The following SLC30A7 variants were observed in gnomAD, a reference collection of about 807,000 sequenced individuals.
SLC30A7 encodes solute carrier family 30 member 7, also known as zinc transporter 7.
A neutral mutation model predicts 46.0 loss-of-function variants in SLC30A7; 35 were observed. The ratio of observed to expected loss-of-function variants is 0.76; its 90% CI spans 0.58 to 1.01. SLC30A7 has a LOEUF of 1.01. SLC30A7 is among the 50% of genes least tolerant of loss of function. The pLI is 0.00. For missense variants in SLC30A7, 464 were observed against 451.1 expected, an observed-to-expected ratio of 1.03 and a Z score of -0.26; for synonymous variants, 147 against 157.8, an observed-to-expected ratio of 0.93 and a Z score of 0.51.
At chr1:100,994,303 G>A in the SLC30A7 span, among the ~76,000 whole-genome samples, 1 of 152,058 alleles carries the variant, frequency 6.6e-6, no homozygotes, top group South Asian at 2.1e-4. Flanking sequence ...CAATAACAGA[G>A]TATCATTTTT....
chr1:100,966,257 T>G (rs1295468071), intron 10 of SLC30A7, among the ~76,000 whole-genome samples: 2 of 149,314 alleles, frequency 1.3e-5, no homozygotes, highest in Non-Finnish European at 3.0e-5. Flanking sequence ...ACATAATAAA[T>G]ATATATACTA....
intron 4 of SLC30A7, 96 bp downstream of exon 4, chr1:100,911,246 A>G (rs151189633): frequency 1.0e-4 from 85 of 813,864 alleles, no homozygotes; most frequent in Non-Finnish European, 1.6e-4. Context: ...AACTATTATT[A>G]AATATTGTGG....
chr1:100,911,904 A>G (rs940085067), intron 4 of SLC30A7, among the ~76,000 whole-genome samples: 3 of 152,136 alleles, frequency 2.0e-5, no homozygotes, highest in Admixed American at 6.5e-5. Context: ...ATGCTTTTAA[A>G]TATTTGTATT....
chr1:100,992,187 T>G, the SLC30A7 span, among the ~76,000 whole-genome samples: 1 of 152,046 alleles, frequency 6.6e-6, no homozygotes, highest in Non-Finnish European at 1.5e-5. Context: ...ATTAGGAATA[T>G]AAGAACAAAT....
chr1:100,990,391 A>G, the SLC30A7 span: 1 of 1,607,594 alleles, frequency 6.2e-7, no homozygotes, highest in African/African-American at 1.3e-5. Flanking sequence ...ACATCAGACA[A>G]TGGTAAATAT....
At chr1:100,970,049 T>C (rs1656073756) in intron 10 of SLC30A7, among the ~76,000 whole-genome samples, 3 of 152,290 alleles carry the variant, frequency 2.0e-5, no homozygotes, top group Admixed American at 1.3e-4. Flanking sequence ...ATTTTACTTA[T>C]CAAAAATAAG....
At chr1:100,972,371 T>C (rs1449879491) in intron 10 of SLC30A7, 16 of 227,462 alleles carry the variant, frequency 7.0e-5, no homozygotes. Context: ...TCTTTTTTTT[T>C]TCTGTTAGAC....
chr1:100,921,303 C>T (rs924089030), intron 7 of SLC30A7, among the ~76,000 whole-genome samples: 13 of 152,022 alleles, frequency 8.6e-5, no homozygotes, highest in Non-Finnish European at 1.3e-4. Flanking sequence ...TCTGTATGTA[C>T]GTATATCTAT....
Position 100,977,583 on chromosome 1 carries a change from C to G in SLC30A7, c.*2726C>G, listed in dbSNP as rs1656613764. The G allele has an allele frequency of 6.6e-6, 1 of 152,090 alleles. No homozygotes were observed. Among genetic ancestry groups the G allele is most frequent in the Admixed American group, 6.5e-5 (1 of 15,276 alleles). The allele number at this position is 152,090 out of a possible 1,614,324, so 9.4% of individuals were successfully genotyped here. The stretch of plus-strand genomic sequence containing the variant: ...CAATGTCCCTGATATTGAGCTAACT[C>G]TTAAAAAAACCAAACAAAACTCGTA... On this transcript the variant is annotated 3_prime_UTR_variant, in exon 11 of 11. Coordinates refer to ENST00000357650, the MANE Select transcript of SLC30A7 (RefSeq NM_133496.5).
At chr1:100,921,907 T>TTTGTATTTTAGACCTATAATTTA in intron 8 of SLC30A7, 66 bp downstream of exon 8, 1 of 1,393,800 alleles carries the variant, frequency 7.2e-7, no homozygotes, top group Non-Finnish European at 9.9e-7. Context: ...ACTTAAATTA[T>TTTGTATTTTAGACCTATAATTTA]AGGTCTAAAA....
In SLC30A7 at chr1:100,981,602, T is replaced by G. The variant is rs1216754821; in HGVS notation, c.*6745T>G. The G allele has an allele frequency of 6.6e-6, 1 of 152,220 alleles. No homozygotes were observed. The highest frequency in any genetic ancestry group is 1.5e-5 in the Non-Finnish European group (1 of 68,026). 9.4% of individuals were successfully genotyped at this position (152,220 alleles called of 1,614,324 possible). On this transcript the variant is annotated 3_prime_UTR_variant, in exon 11 of 11. Transcript: ENST00000357650. ...ATATGCTGAAGTGAGCAATTATGAT[T>G]TGCCCAAGTGCAATACAACAAATCT...
intron 10 of SLC30A7, among the ~76,000 whole-genome samples, chr1:100,973,070 GAAAA>G (rs202235232): frequency 6.8e-6 from 1 of 147,506 alleles, no homozygotes; most frequent in African/African-American, 2.5e-5. Flanking sequence ...AAAAAAAAAA[GAAAA>G]AAAAGGAGAA....
the SLC30A7 span, chr1:100,995,873 C>G: frequency 6.6e-6 from 1 of 152,210 alleles, no homozygotes; most frequent in East Asian, 1.9e-4. Flanking sequence ...GCAACAGCTG[C>G]TTCCTGCTTT....
chr1:100,941,091 G>T (rs898389688), intron 8 of SLC30A7: 5 of 315,196 alleles, frequency 1.6e-5, no homozygotes, highest in African/African-American at 6.7e-5. Flanking sequence ...GTTTAGAAAA[G>T]AATTTGCCTC....
intron 2 of SLC30A7, among the ~76,000 whole-genome samples, chr1:100,899,199 A>C (rs1412321809): frequency 6.6e-6 from 1 of 152,112 alleles, no homozygotes; most frequent in African/African-American, 2.4e-5. Flanking sequence ...GATCTTTTCT[A>C]TCTTATGCAG....
At chr1:100,926,173 G>C (rs1653294086) in intron 8 of SLC30A7, among the ~76,000 whole-genome samples, 1 of 152,124 alleles carries the variant, frequency 6.6e-6, no homozygotes, top group African/African-American at 2.4e-5. Flanking sequence ...CAGGTCATAT[G>C]ATTGGATTTC....
rs528412427 is a variant in SLC30A7 at position 100,952,611 on chromosome 1, CAA to C, written c.843-9215_843-9214del. ...GAGAGAAAAAAGGCAAGAAAAAAAA[CAA>C]AGAGATATAGTTCATCTATATCTTC... On this transcript the variant is annotated intron_variant, in intron 8 of 10. Coordinates refer to ENST00000357650, the MANE Select transcript of SLC30A7 (RefSeq NM_133496.5). Among the ~76,000 whole-genome samples, 176 of 152,172 alleles carry C rather than the reference CAA, an allele frequency of 1.2e-3. 1 individual carries two copies. The highest frequency in any genetic ancestry group is 4.0e-3 in the African/African-American group (168 of 41,526).
intron 8 of SLC30A7, among the ~76,000 whole-genome samples, chr1:100,938,831 A>G (rs1299331178): frequency 6.6e-6 from 1 of 152,164 alleles, no homozygotes; most frequent in Non-Finnish European, 1.5e-5. Context: ...ACCTGGAATA[A>G]TGTCTCTGTC....
chr1:100,901,843 A>G (rs1041327644), intron 2 of SLC30A7, among the ~76,000 whole-genome samples: 12 of 152,386 alleles, frequency 7.9e-5, no homozygotes, highest in African/African-American at 2.9e-4. Context: ...GTCTACGACA[A>G]GTAAGTGGAT....
Sources: gnomAD v4.1 joint callset for allele counts (sites outside exome capture counted in the v4.1 genomes callset) on GRCh38, gnomAD v4.1.1 for gene constraint, MANE v1.5 for transcripts, NCBI Gene and HGNC (gene_info 2026-07-23, HGNC 2026-07-21) for gene names.